The following CSNK1D variants were observed in gnomAD, a reference collection of about 807,000 sequenced individuals.
CSNK1D encodes the protein casein kinase I isoform delta.
In CSNK1D, 16 loss-of-function variants were observed where a neutral mutation model predicts 46.6. That is an observed-to-expected ratio of 0.34 (90% confidence interval 0.23 to 0.52). The LOEUF (loss-of-function observed/expected upper bound fraction) is 0.52. CSNK1D is among the 20% of genes least tolerant of loss of function. The probability of loss-of-function intolerance (pLI) is 0.95; values close to 1 mark genes in which losing one functional copy is unlikely to be tolerated. For missense variants in CSNK1D, 398 were observed against 578.4 expected (o/e 0.69, Z 3.20); for synonymous variants, 276 against 228.2 (o/e 1.21, Z -1.89).
At chr17:82,265,462 AGCCACCAT>A (rs1345049734) in intron 2 of CSNK1D, 1 of 539,594 alleles carries the variant, frequency 1.9e-6, no homozygotes, top group Non-Finnish European at 3.4e-6. Flanking sequence ...TCCAGGCGTG[AGCCACCAT>A]GCCCGGCCCA....
chr17:82,241,589 T>C (rs1452822597), downstream of CSNK1D, among the ~76,000 whole-genome samples: 2 of 152,184 alleles, frequency 1.3e-5, no homozygotes, highest in Admixed American at 6.5e-5. Flanking sequence ...AACTGGAACT[T>C]GGGTCTTGCC....
intron 8 of CSNK1D, chr17:82,246,392 C>A: frequency 1.6e-6 from 2 of 1,239,414 alleles, no homozygotes; most frequent in Non-Finnish European, 2.1e-6. Flanking sequence ...GCAGGGGAGA[C>A]GCACATCCTC....
downstream of CSNK1D, among the ~76,000 whole-genome samples, chr17:82,240,480 C>T (rs902079358): frequency 7.9e-5 from 12 of 152,198 alleles, no homozygotes; most frequent in Non-Finnish European, 5.9e-5. Flanking sequence ...GTTCTGCTGA[C>T]CTCAGGAGTG....
rs1599586709 is a variant in CSNK1D, at chr17:82,251,344, C to T, written c.885+35G>A. 1 of 1,613,592 alleles carries T rather than the reference C, an allele frequency of 6.2e-7. No individual in the cohort carries two copies. The highest frequency in any genetic ancestry group is 8.5e-7 in the Non-Finnish European group (1 of 1,179,654). On this transcript the variant is annotated intron_variant, in intron 6 of 8. Transcript: ENST00000314028. This position sits in a 1 kb window ranked among gnomAD's most constrained non-coding sequence, Gnocchi z 4.5. ...TCACTGACAAGCCATCCCCCGCACA[C>T]CACACTCAGCGAACGTGCTGGCAGT...
chr17:82,245,037 G>A, intron 8 of CSNK1D: 1 of 678,478 alleles, frequency 1.5e-6, no homozygotes, highest in Non-Finnish European at 2.6e-6. Context: ...ACGGGAAGGA[G>A]GAAGAGGCAT....
At chr17:82,244,871 T>G (rs1599572741) in intron 8 of CSNK1D, 40 bp from the exon 9 acceptor site, 5 of 1,612,922 alleles carry the variant, frequency 3.1e-6, no homozygotes, top group Non-Finnish European at 4.2e-6. Flanking sequence ...AGCATGGGGC[T>G]GGGGGAGCCG....
At chr17:82,239,079 G>A (rs1057332490), downstream of CSNK1D, 5 of 1,184,386 alleles carry the variant, frequency 4.2e-6, no homozygotes, top group Admixed American at 2.7e-5. Flanking sequence ...CCACGGCTGG[G>A]CTCCAGCTGC....
At position 82,250,164 on chromosome 17, in the gene CSNK1D, A is replaced by G. The variant is rs1211311928; in HGVS notation, c.886-562T>C. The G allele has an allele frequency of 7.8e-7, 1 of 1,289,832 alleles. No individual in the cohort carries two copies. Among genetic ancestry groups the G allele is most frequent in the Non-Finnish European group, 1.0e-6 (1 of 988,976 alleles). The allele number at this position is 1,289,832 out of a possible 1,614,324, so 79.9% of individuals were successfully genotyped here. On this transcript the variant is annotated intron_variant, in intron 6 of 8. Coordinates refer to ENST00000314028, the MANE Select transcript of CSNK1D (RefSeq NM_001893.6). This position sits in a 1 kb window ranked among gnomAD's most constrained non-coding sequence, Gnocchi z 4.6. ...CACGGGGGTGGGGAGGTCAGATTTT[A>G]AGCCGAGACAGCAACCTATGAAAAA...
At chr17:82,258,393 T>C (rs1192637252) in intron 2 of CSNK1D, among the ~76,000 whole-genome samples, 2 of 151,898 alleles carry the variant, frequency 1.3e-5, no homozygotes, top group South Asian at 2.1e-4. Context: ...TTGGGAATAG[T>C]TGCATTCTGC....
At chr17:82,271,226 C>A (rs2147231235) in intron 1 of CSNK1D, among the ~76,000 whole-genome samples, 2 of 152,304 alleles carry the variant, frequency 1.3e-5, no homozygotes, top group South Asian at 4.1e-4. Context: ...CAGGCAGCCA[C>A]CACCACGCCT....
At chr17:82,267,611 C>G (rs986656417) in intron 1 of CSNK1D, among the ~76,000 whole-genome samples, 2 of 152,220 alleles carry the variant, frequency 1.3e-5, no homozygotes, top group African/African-American at 4.8e-5. Context: ...TTCCTGCCTA[C>G]AGTTGGGACA....
chr17:82,244,470 G>A lies in CSNK1D; in HGVS notation c.*311C>T, dbSNP rs557301751. ...GTGGAATCGTCAGGGAGTACAGGGCGGCCACCACTGGAGGGAGCTGAGGCC... is the reference window on the plus strand; with the variant it reads ...GTGGAATCGTCAGGGAGTACAGGGCAGCCACCACTGGAGGGAGCTGAGGCC... On this transcript the variant is annotated 3_prime_UTR_variant, in exon 9 of 9. Transcript: ENST00000314028. The A allele has an allele frequency of 1.1e-5, 15 of 1,362,930 alleles. No homozygotes were observed. The highest frequency in any genetic ancestry group is 2.8e-4 in the Middle Eastern group (1 of 3,578). The allele number at this position is 1,362,930 out of a possible 1,614,324, so 84.4% of individuals were successfully genotyped here.
chr17:82,269,730 G>A (rs951982433), intron 1 of CSNK1D, among the ~76,000 whole-genome samples: 2 of 152,224 alleles, frequency 1.3e-5, no homozygotes, highest in African/African-American at 4.8e-5. Flanking sequence ...GAGAACAGAG[G>A]CAGGACCAGC....
rs750844857 is a variant in CSNK1D at position 82,251,332 on chromosome 17, A to G, written c.885+47T>C. The G allele has an allele frequency of 6.2e-7, 1 of 1,612,644 alleles. No individual in the cohort carries two copies. The stretch of plus-strand genomic sequence containing the variant: ...GCCGCCGGCCTCTCACTGACAAGCC[A>G]TCCCCCGCACACCACACTCAGCGAA... On this transcript the variant is annotated intron_variant, in intron 6 of 8. Coordinates refer to ENST00000314028, the MANE Select transcript of CSNK1D (RefSeq NM_001893.6). This position sits in a 1 kb window ranked among gnomAD's most constrained non-coding sequence, Gnocchi z 4.5.
chr17:82,267,719 A>G (rs1379828955), intron 1 of CSNK1D, among the ~76,000 whole-genome samples: 17 of 152,184 alleles, frequency 1.1e-4, no homozygotes, highest in Admixed American at 1.1e-3. Context: ...TCTGAACTCA[A>G]CTCGCCAGCC....
chr17:82,254,556 G>C, intron 3 of CSNK1D: 1 of 160,158 alleles, frequency 6.2e-6, no homozygotes, highest in South Asian at 5.0e-5. Context: ...AGCCGCCGGA[G>C]CCTCGAGACG....
At chr17:82,254,092 G>A (rs1261801967) in intron 3 of CSNK1D, 12 of 187,332 alleles carry the variant, frequency 6.4e-5, no homozygotes, top group Admixed American at 3.1e-4. Context: ...GAGCTGAGCC[G>A]CCGGAGCCTC....
chr17:82,270,197 C>T lies in CSNK1D; in HGVS notation c.76+3109G>A, dbSNP rs113686631. Among the ~76,000 whole-genome samples, 148 of 152,330 alleles carry T rather than the reference C, an allele frequency of 9.7e-4. 1 individual carries two copies. Among genetic ancestry groups the T allele is most frequent in the African/African-American group, 3.3e-3 (137 of 41,568 alleles). On this transcript the variant is annotated intron_variant, in intron 1 of 8. Transcript: ENST00000314028. ...AGAAATAGCCCCAAAATACTGCCCC[C>T]TTTGAAGGGGCAATTTTGGAACACG...
At chr17:82,241,325 C>G (rs188920552), downstream of CSNK1D, among the ~76,000 whole-genome samples, 1 of 152,230 alleles carries the variant, frequency 6.6e-6, no homozygotes, top group African/African-American at 2.4e-5. Context: ...GTCCCTCAGC[C>G]TTCCGAGGGG....
Sources: allele counts gnomAD v4.1 joint callset (sites outside exome capture counted in the v4.1 genomes callset), GRCh38; gene constraint gnomAD v4.1.1; non-coding constraint Gnocchi (gnomAD v3.1); transcripts MANE v1.5; gene names NCBI Gene and HGNC (gene_info 2026-07-23, HGNC 2026-07-21).